Variants in RALGPS2 observed in about 807,000 individuals in gnomAD.
The protein encoded by RALGPS2 is Ral GEF with PH domain and SH3 binding motif 2.
RALGPS2 carries 43 observed loss-of-function variants against 86.8 expected under a neutral mutation model. The ratio of observed to expected loss-of-function variants is 0.50; its 90% confidence interval spans 0.39 to 0.64. The LOEUF (loss-of-function observed/expected upper bound fraction) is 0.64, where lower values mean the gene tolerates loss of function less well. RALGPS2 is among the 30% of genes least tolerant of loss of function. RALGPS2 has a pLI of 0.00. For synonymous variants in RALGPS2, 243 were observed against 231.3 expected, an observed-to-expected ratio of 1.05 and a Z score of -0.46; for missense variants, 536 against 694.6, an observed-to-expected ratio of 0.77 and a Z score of 2.57.
chr1:178,826,548 A>T (rs183181110), intron 7 of RALGPS2, among the ~76,000 whole-genome samples: 1 of 152,262 alleles, frequency 6.6e-6, no homozygotes, highest in Non-Finnish European at 1.5e-5. Context: ...GTTGCCAGGG[A>T]TGGGGAGAAA....
intron 17 of RALGPS2, among the ~76,000 whole-genome samples, chr1:178,901,685 CAAA>C (rs574365904): frequency 8.4e-6 from 1 of 119,750 alleles, no homozygotes; most frequent in Admixed American, 8.8e-5. Context: ...GAGACTGTCT[CAAA>C]AAAAAAAAAA....
rs184713479 is a variant in RALGPS2 at position 178,823,420 on chromosome 1, A to G, written c.480+1716A>G. Among the ~76,000 whole-genome samples the G allele has an allele frequency of 3.7e-3, 559 of 152,144 alleles. 5 individuals are homozygous for G. Among genetic ancestry groups the G allele is most frequent in the African/African-American group, 0.012 (506 of 41,358 alleles). On this transcript the variant is annotated intron_variant, in intron 7 of 19. Coordinates refer to ENST00000367635, the MANE Select transcript of RALGPS2 (RefSeq NM_152663.5). Reference sequence around the variant, plus strand: ...CTGGGGAAGAATAAATTACAAATAAATAAATGACATAAATAGCAATAAATG... The same window carrying G: ...CTGGGGAAGAATAAATTACAAATAAGTAAATGACATAAATAGCAATAAATG...
At chr1:178,756,481 T>C (rs1044070296) in intron 1 of RALGPS2, among the ~76,000 whole-genome samples, 1 of 152,200 alleles carries the variant, frequency 6.6e-6, no homozygotes, top group Non-Finnish European at 1.5e-5. Context: ...GTTGGCTTTA[T>C]TTCTGGGTTC....
intron 7 of RALGPS2, 127 bp downstream of exon 7, chr1:178,821,831 G>C (rs1655522051): frequency 1.3e-6 from 1 of 779,730 alleles, no homozygotes; most frequent in Middle Eastern, 2.9e-4. Context: ...AAATTGCTTT[G>C]TACTCTATTC....
intron 8 of RALGPS2, among the ~76,000 whole-genome samples, chr1:178,862,330 T>C (rs1034686227): frequency 6.6e-6 from 1 of 152,150 alleles, no homozygotes; most frequent in African/African-American, 2.4e-5. Flanking sequence ...AGAAGCTCTA[T>C]AAAAATGTCA....
Position 178,919,676 on chromosome 1 carries a change from G to C in RALGPS2, c.*3317G>C, listed in dbSNP as rs1660921792. On this transcript the variant is annotated 3_prime_UTR_variant, in exon 20 of 20. Transcript: ENST00000367635. ...TTTACTACTGAAAACAAAACTATAG[G>C]GCATCATACTAATTGAAAATCAATA... 1.3e-5 allele frequency: 2 copies of C among 151,750 alleles called. No individual in the cohort carries two copies. Among genetic ancestry groups the C allele is most frequent in the Non-Finnish European group, 2.9e-5 (2 of 67,830 alleles). 9.4% of individuals were successfully genotyped at this position (151,750 alleles called of 1,614,324 possible).
intron 4 of RALGPS2, among the ~76,000 whole-genome samples, chr1:178,800,122 A>G (rs1370153975): frequency 6.6e-6 from 1 of 152,220 alleles, no homozygotes; most frequent in African/African-American, 2.4e-5. Context: ...AGCCAGTGCC[A>G]GATGATGAGG....
At chr1:178,872,216 G>A (rs1374399125) in intron 8 of RALGPS2, among the ~76,000 whole-genome samples, 4 of 152,148 alleles carry the variant, frequency 2.6e-5, no homozygotes, top group Admixed American at 1.3e-4. Context: ...AGGCCACACT[G>A]TTGATCCACA....
At chr1:178,807,573 T>C (rs777931523) in intron 4 of RALGPS2, among the ~76,000 whole-genome samples, 1 of 152,212 alleles carries the variant, frequency 6.6e-6, no homozygotes, top group Non-Finnish European at 1.5e-5. Context: ...TACAAGTTTG[T>C]GGGCATTTTG....
At chr1:178,846,005 GT>G (rs1172057732) in intron 8 of RALGPS2, among the ~76,000 whole-genome samples, 34 of 152,178 alleles carry the variant, frequency 2.2e-4, no homozygotes, top group African/African-American at 7.5e-4. Flanking sequence ...GTTTTCAGTC[GT>G]TTTTGCATAT....
At chr1:178,776,956 TA>T (rs1653122283) in intron 2 of RALGPS2, 135 bp downstream of exon 2, 9 of 663,802 alleles carry the variant, frequency 1.4e-5, no homozygotes, top group East Asian at 1.2e-4. Context: ...TTTTAAATTT[TA>T]TTTTTTTTTA....
chr1:178,778,865 CTTTTATTTTAGT>C (rs1201531694), intron 2 of RALGPS2, among the ~76,000 whole-genome samples: 1 of 152,174 alleles, frequency 6.6e-6, no homozygotes, highest in Middle Eastern at 3.2e-3. Flanking sequence ...CATATTTTAA[CTTTTATTTTAGT>C]GATTCGTATG....
At chr1:178,882,606 C>T (rs1371420887) in intron 10 of RALGPS2, among the ~76,000 whole-genome samples, 1 of 152,132 alleles carries the variant, frequency 6.6e-6, no homozygotes, top group Non-Finnish European at 1.5e-5. Context: ...GAATACTAAA[C>T]AGTTTTTATT....
At chr1:178,875,923 A>T (rs1658983891) in intron 8 of RALGPS2, among the ~76,000 whole-genome samples, 1 of 152,092 alleles carries the variant, frequency 6.6e-6, no homozygotes, top group Admixed American at 6.6e-5. Flanking sequence ...AAGATTGGGG[A>T]AAGTGGGAAG....
At position 178,812,928 on chromosome 1, in the gene RALGPS2, C is replaced by CTTT. The variant is rs397844555; in HGVS notation, c.387+1543_387+1545dup. Among the ~76,000 whole-genome samples the CTTT allele has an allele frequency of 3.4e-4, 36 of 106,822 alleles. 1 individual carries two copies. Among genetic ancestry groups the CTTT allele is most frequent in the African/African-American group, 1.2e-3 (32 of 27,408 alleles). The allele number at this position is 106,822 out of a possible 152,430, so 70.1% of individuals were successfully genotyped here. Reference sequence around the variant, plus strand: ...TTTGTGATGATATGTTAGGTAAATACTTTTTTTTTTTTTTTTTTTTTGGAG... The same window carrying CTTT: ...TTTGTGATGATATGTTAGGTAAATACTTTTTTTTTTTTTTTTTTTTTTTTGGAG... On this transcript the variant is annotated intron_variant, in intron 6 of 19. Coordinates refer to ENST00000367635, the MANE Select transcript of RALGPS2 (RefSeq NM_152663.5).
At chr1:178,847,702 G>A (rs1199897410) in intron 8 of RALGPS2, among the ~76,000 whole-genome samples, 1 of 152,100 alleles carries the variant, frequency 6.6e-6, no homozygotes, top group African/African-American at 2.4e-5. Context: ...TATGATTGTG[G>A]AAGGTTTATT....
At chr1:178,747,232 CAAGGAGCCAGATTCTCTCACTTT>C in intron 1 of RALGPS2, 1 of 1,456,430 alleles carries the variant, frequency 6.9e-7, no homozygotes, top group African/African-American at 1.4e-5. Flanking sequence ...GGTCAGGGTT[CAAGGAGCCAGATTCTCTCACTTT>C]AAACAAGAAA....
At chr1:178,832,987 A>G (rs1656099717) in intron 7 of RALGPS2, among the ~76,000 whole-genome samples, 1 of 152,086 alleles carries the variant, frequency 6.6e-6, no homozygotes, top group Non-Finnish European at 1.5e-5. Context: ...GACTAGATTT[A>G]TCAAGAAAAA....
intron 8 of RALGPS2, among the ~76,000 whole-genome samples, chr1:178,852,106 T>C (rs953888216): frequency 6.6e-6 from 1 of 152,192 alleles, no homozygotes; most frequent in Non-Finnish European, 1.5e-5. Flanking sequence ...TCTTACACCA[T>C]GTATCCAAAT....
Sources: gnomAD v4.1 joint callset for allele counts (sites outside exome capture counted in the v4.1 genomes callset) on GRCh38, gnomAD v4.1.1 for gene constraint, MANE v1.5 for transcripts, NCBI Gene and HGNC (gene_info 2026-07-23, HGNC 2026-07-21) for gene names.